COL4A2: variants seen among roughly 807,000 people sequenced by gnomAD.
COL4A2 encodes collagen alpha-2(IV) chain.
In COL4A2, 99 loss-of-function variants were observed where a neutral mutation model predicts 200.2. The ratio of observed to expected loss-of-function variants is 0.49; its 90% CI spans 0.42 to 0.58. The LOEUF is 0.58. Ranked by LOEUF, COL4A2 falls within the 20% of genes least tolerant of loss-of-function variation. The pLI is 0.00. For missense variants in COL4A2, 1,950 were observed against 2,314.1 expected, an observed-to-expected ratio of 0.84 and a Z score of 3.23; for synonymous variants, 897 against 900.6, an observed-to-expected ratio of 1.00 and a Z score of 0.07.
intron 4 of COL4A2, among the ~76,000 whole-genome samples, chr13:110,413,113 C>T (rs945642535): frequency 6.6e-6 from 1 of 152,156 alleles, no homozygotes; most frequent in Non-Finnish European, 1.5e-5. Flanking sequence ...TCCTCCACAG[C>T]ATGACCCACT....
At chr13:110,402,896 G>A (rs1013096239) in intron 4 of COL4A2, among the ~76,000 whole-genome samples, 10 of 152,230 alleles carry the variant, frequency 6.6e-5, no homozygotes, top group African/African-American at 2.2e-4. Flanking sequence ...ACCACGTGGA[G>A]GTCACGAAGG....
Position 110,438,808 on chromosome 13 carries a change from C to CG in COL4A2, c.912+140_912+141insG, listed in dbSNP as rs1555328881. On this transcript the variant is annotated intron_variant, in intron 15 of 47. Coordinates refer to ENST00000360467, the MANE Select transcript of COL4A2 (RefSeq NM_001846.4). ...TTTCCCGTTATTACTCCCCACCCCC[C>CG]CCCACACACACACACAGCAGCCCCC... is the stretch of plus-strand genomic sequence containing the variant. 14 of 603,694 alleles carry CG rather than the reference C, an allele frequency of 2.3e-5. 1 individual carries two copies. Among genetic ancestry groups the CG allele is most frequent in the Admixed American group, 7.9e-5 (3 of 37,910 alleles). 37.4% of individuals were successfully genotyped at this position (603,694 alleles called of 1,614,324 possible). A position where few individuals can be genotyped will look rare whatever the true frequency, so the allele number is the denominator to read the frequency against.
At chr13:110,477,629 G>A (rs188160977) in intron 29 of COL4A2, among the ~76,000 whole-genome samples, 205 of 152,334 alleles carry the variant, frequency 1.3e-3, no homozygotes, top group Admixed American at 9.2e-4. Context: ...AGATGATAGA[G>A]TTTTATTCAT....
At chr13:110,338,637 G>A (rs1247295739) in intron 3 of COL4A2, among the ~76,000 whole-genome samples, 1 of 152,230 alleles carries the variant, frequency 6.6e-6, no homozygotes, top group African/African-American at 2.4e-5. Flanking sequence ...GGAGAAACGT[G>A]CAAGGCAGCC....
chr13:110,308,816 C>G (rs563426822), intron 3 of COL4A2, among the ~76,000 whole-genome samples: 1 of 152,290 alleles, frequency 6.6e-6, no homozygotes, highest in East Asian at 1.9e-4. Context: ...CCATTTTATA[C>G]GTTTTGTTTA....
At position 110,482,663 on chromosome 13, in the gene COL4A2, T is replaced by C. The variant is rs1882975280; in HGVS notation, c.2902+4T>C. 1 of 1,612,988 alleles carries C rather than the reference T, an allele frequency of 6.2e-7. No homozygotes were observed. Among genetic ancestry groups the C allele is most frequent in the African/African-American group, 1.3e-5 (1 of 74,814 alleles). ...GCTGGTGAGCCAGGTTTTAAAGGTA[T>C]GTCCCTCTCTTAACATCCTCCTTAC... is the stretch of plus-strand genomic sequence containing the variant. On this transcript the variant is annotated splice_donor_region_variant and intron_variant, in intron 32 of 47. Coordinates refer to ENST00000360467, the MANE Select transcript of COL4A2 (RefSeq NM_001846.4).
At chr13:110,363,501 A>G (rs1371718213) in intron 4 of COL4A2, among the ~76,000 whole-genome samples, 3 of 152,174 alleles carry the variant, frequency 2.0e-5, no homozygotes, top group African/African-American at 4.8e-5. Flanking sequence ...AGAGGGAACG[A>G]GTGCTCGGGG....
rs1883891995 is a variant in COL4A2, at chr13:110,506,599, G to A, written c.4587G>A (p.Gln1529=). Residue 1529 remains glutamine, a synonymous_variant, in exon 46 of 48, where the codon CAG becomes CAA. Coordinates refer to ENST00000360467, the MANE Select transcript of COL4A2 (RefSeq NM_001846.4). ...AGGGCCAGGAGAAGGCGCACAACCA[G>A]GACCTGGGTAGGTACCTCCCACCCG... ...YFEGQEKAHN[Q]DLGLAGSCLA... is the part of the protein sequence containing the mutation. 1 of 1,608,904 alleles carries A rather than the reference G, an allele frequency of 6.2e-7. No homozygotes were observed. The highest frequency in any genetic ancestry group is 8.5e-7 in the Non-Finnish European group (1 of 1,177,332).
chr13:110,381,457 T>C (rs1006532220), intron 4 of COL4A2, among the ~76,000 whole-genome samples: 2 of 152,198 alleles, frequency 1.3e-5, no homozygotes, highest in Non-Finnish European at 2.9e-5. Flanking sequence ...TATTGGGAAA[T>C]AACAGTTATT....
At chr13:110,485,213 C>T (rs1230625272) in intron 33 of COL4A2, among the ~76,000 whole-genome samples, 186 bp downstream of exon 33, 3 of 152,190 alleles carry the variant, frequency 2.0e-5, no homozygotes, top group South Asian at 2.1e-4. Flanking sequence ...TGAGTAACCT[C>T]GGTTTCCCAT....
intron 4 of COL4A2, among the ~76,000 whole-genome samples, chr13:110,411,910 G>A (rs1879858128): frequency 6.6e-6 from 1 of 152,094 alleles, no homozygotes; most frequent in Admixed American, 6.5e-5. Context: ...CCATAAAATG[G>A]GTACAATGAC....
intron 4 of COL4A2, among the ~76,000 whole-genome samples, chr13:110,408,774 C>T (rs1879678817): frequency 6.6e-6 from 1 of 151,968 alleles, no homozygotes; most frequent in African/African-American, 2.4e-5. Flanking sequence ...ACCACAACAG[C>T]CACATGACAC....
intron 4 of COL4A2, among the ~76,000 whole-genome samples, chr13:110,390,732 T>C (rs1878955631): frequency 6.6e-6 from 1 of 152,184 alleles, no homozygotes; most frequent in Non-Finnish European, 1.5e-5. Flanking sequence ...AGAGGAATCC[T>C]ATATGGCAGG....
At chr13:110,344,627 G>A (rs2139374747) in intron 3 of COL4A2, among the ~76,000 whole-genome samples, 1 of 152,262 alleles carries the variant, frequency 6.6e-6, no homozygotes, top group East Asian at 1.9e-4. Flanking sequence ...AACTGTCAAG[G>A]AATGGAACTC....
intron 3 of COL4A2, among the ~76,000 whole-genome samples, chr13:110,352,379 C>G (rs1020418943): frequency 6.6e-6 from 1 of 152,236 alleles, no homozygotes; most frequent in Non-Finnish European, 1.5e-5. Context: ...TTCTTCGCAG[C>G]TCTTACCAGA....
chr13:110,498,948 C>T (rs1317562581), intron 40 of COL4A2, among the ~76,000 whole-genome samples: 1 of 152,210 alleles, frequency 6.6e-6, no homozygotes, highest in East Asian at 1.9e-4. Context: ...CCTGCATGAA[C>T]GTCACAGTGG....
At chr13:110,362,324 G>T (rs1207227468) in intron 4 of COL4A2, among the ~76,000 whole-genome samples, 1 of 152,178 alleles carries the variant, frequency 6.6e-6, no homozygotes, top group East Asian at 1.9e-4. Flanking sequence ...CATGTTCTCA[G>T]ATTTACCCCT....
chr13:110,427,212 C>T (rs1415150657), intron 6 of COL4A2, among the ~76,000 whole-genome samples: 2 of 152,100 alleles, frequency 1.3e-5, no homozygotes, highest in Non-Finnish European at 2.9e-5. Context: ...TGCAGTGGTG[C>T]GATCTTAGCT....
rs199551935 is a variant in COL4A2, at chr13:110,428,504, G to A, written c.398G>A (p.Gly133Asp). The stretch of plus-strand genomic sequence containing the variant: ...CAAGGTGGGCCCAGGGGAAGGCCGG[G>A]CTACGATGGCTGCAACGGAACCCAG... The part of the protein sequence containing the change: ...PGQGGPRGRP[G>D]YDGCNGTQGD... Residue 133 changes from glycine to aspartate, a missense_variant, in exon 7 of 48, where the codon GGC becomes GAC. By Grantham distance (94) the Gly-to-Asp change is moderately conservative. Around this residue, in one of 2 missense-constraint regions of COL4A2, gnomAD observed 565 missense variants for 593.5 expected, o/e 0.95. Coordinates refer to ENST00000360467, the MANE Select transcript of COL4A2 (RefSeq NM_001846.4). 1.3e-6 allele frequency: 2 copies of A among 1,585,964 alleles called. No individual in the cohort carries two copies. The highest frequency in any genetic ancestry group is 8.5e-7 in the Non-Finnish European group (1 of 1,170,128).
Sources: gnomAD v4.1 joint callset for allele counts (sites outside exome capture counted in the v4.1 genomes callset) on GRCh38, gnomAD v4.1.1 for gene constraint, gnomAD v4.1.1 regional missense constraint, MANE v1.5 for transcripts, NCBI Gene and HGNC (gene_info 2026-07-23, HGNC 2026-07-21) for gene names.